SLC26A3: variants seen among roughly 807,000 people sequenced by gnomAD.
SLC26A3 encodes the protein chloride anion exchanger.
SLC26A3 carries 64 observed loss-of-function variants against 85.6 expected under a neutral mutation model. The ratio of observed to expected loss-of-function variants is 0.75; its 90% CI spans 0.61 to 0.92. SLC26A3 has a LOEUF of 0.92. Ranked by LOEUF, SLC26A3 falls within the 40% of genes least tolerant of loss-of-function variation. SLC26A3 has a pLI of 0.00. For synonymous variants in SLC26A3, 349 were observed against 336.0 expected, an observed-to-expected ratio of 1.04 and a Z score of -0.42; for missense variants, 922 against 927.3, an observed-to-expected ratio of 0.99 and a Z score of 0.07.
intron 8 of SLC26A3, among the ~76,000 whole-genome samples, chr7:107,784,598 A>G (rs577695010): frequency 6.6e-6 from 1 of 152,126 alleles, no homozygotes; most frequent in Non-Finnish European, 1.5e-5. Flanking sequence ...CGCCCAGCTA[A>G]TTTTAGTATT....
intron 3 of SLC26A3, among the ~76,000 whole-genome samples, chr7:107,792,439 A>G (rs1794418806): frequency 6.6e-6 from 1 of 151,914 alleles, no homozygotes; most frequent in South Asian, 2.1e-4. Context: ...ACCGTGACAG[A>G]TCATTAGGCA....
intron 1 of SLC26A3, among the ~76,000 whole-genome samples, chr7:107,797,399 C>T (rs779280099): frequency 6.6e-6 from 1 of 152,118 alleles, no homozygotes; most frequent in East Asian, 1.9e-4. Flanking sequence ...GAGGCTGAGA[C>T]AGGAGAATTG....
At chr7:107,788,175 G>A (rs1258332006) in intron 6 of SLC26A3, among the ~76,000 whole-genome samples, 2 of 152,120 alleles carry the variant, frequency 1.3e-5, no homozygotes, top group Non-Finnish European at 2.9e-5. Context: ...CCAATTTGGA[G>A]CAAGTTCTGT....
At chr7:107,789,785 A>G in intron 5 of SLC26A3, 97 bp from the exon 6 acceptor site, 1 of 1,303,140 alleles carries the variant, frequency 7.7e-7, no homozygotes, top group Non-Finnish European at 1.1e-6. Flanking sequence ...CAAAACGTAA[A>G]GGCTCAACCT....
chr7:107,783,839 T>A (rs1209019625), intron 8 of SLC26A3, among the ~76,000 whole-genome samples: 1 of 152,194 alleles, frequency 6.6e-6, no homozygotes, highest in Non-Finnish European at 1.5e-5. Context: ...GAGATGGGCC[T>A]TGGACTCTGC....
At chr7:107,784,812 G>T (rs1794267120) in intron 8 of SLC26A3, among the ~76,000 whole-genome samples, 1 of 152,156 alleles carries the variant, frequency 6.6e-6, no homozygotes, top group Admixed American at 6.5e-5. Flanking sequence ...AACACAAAGT[G>T]CCTGTTAGCT....
In SLC26A3 at chr7:107,779,742, A is replaced by T; in HGVS notation, c.1333T>A (p.Leu445Met). 1 of 1,613,968 alleles carries T rather than the reference A, an allele frequency of 6.2e-7. No individual in the cohort carries two copies. Among genetic ancestry groups the T allele is most frequent in the Non-Finnish European group, 8.5e-7 (1 of 1,179,910 alleles). The change falls in exon 12 of 21, where the codon TTG (leucine) becomes ATG (methionine). Residue 445 changes from leucine to methionine, a missense_variant. Transcript: ENST00000340010. ...ATCAGCATTCCCTTTAAGTTTCCCA[A>T]TGCTAAAGCTGCCAGGACGGACTGT... ...LQKSVLAALA[L>M]GNLKGMLMQF...
intron 1 of SLC26A3, among the ~76,000 whole-genome samples, chr7:107,796,604 A>G (rs1794505126): frequency 6.6e-6 from 1 of 152,196 alleles, no homozygotes; most frequent in African/African-American, 2.4e-5. Context: ...ATTGCTGTGC[A>G]GAGCATGGAT....
At chr7:107,792,159 G>T (rs1794413886) in intron 3 of SLC26A3, among the ~76,000 whole-genome samples, 1 of 152,142 alleles carries the variant, frequency 6.6e-6, no homozygotes, top group Admixed American at 6.5e-5. Context: ...TGGTTTCTTA[G>T]AAATGACACC....
intron 11 of SLC26A3, 85 bp from the exon 12 acceptor site, chr7:107,779,848 G>A (rs537001836): frequency 8.8e-7 from 1 of 1,131,392 alleles, no homozygotes; most frequent in African/African-American, 1.5e-5. Context: ...AGATAAGTGT[G>A]TGCTTTAAAG....
chr7:107,797,042 C>T (rs998585031), intron 1 of SLC26A3, among the ~76,000 whole-genome samples: 2 of 152,130 alleles, frequency 1.3e-5, no homozygotes, highest in African/African-American at 4.8e-5. Context: ...CAGTTTCCTT[C>T]TCTGAGGATG....
intron 1 of SLC26A3, among the ~76,000 whole-genome samples, chr7:107,798,167 C>G (rs1289860065): frequency 6.6e-6 from 1 of 151,774 alleles, no homozygotes; most frequent in Non-Finnish European, 1.5e-5. Context: ...TACATAGACA[C>G]ACACATGAAG....
intron 9 of SLC26A3, 28 bp downstream of exon 9, chr7:107,783,177 T>G (rs1190251242): frequency 6.2e-7 from 1 of 1,613,924 alleles, no homozygotes; most frequent in Non-Finnish European, 8.5e-7. Flanking sequence ...AGTTGCCCAG[T>G]GAGACCCAGT....
intron 18 of SLC26A3, among the ~76,000 whole-genome samples, chr7:107,771,354 G>A (rs1794027560): frequency 6.6e-6 from 1 of 152,174 alleles, no homozygotes; most frequent in Non-Finnish European, 1.5e-5. Flanking sequence ...TGGAGGTATA[G>A]TTTGGGGATT....
intron 13 of SLC26A3, among the ~76,000 whole-genome samples, chr7:107,776,934 A>G (rs931818955): frequency 8.5e-5 from 13 of 152,218 alleles, no homozygotes; most frequent in Non-Finnish European, 1.8e-4. Flanking sequence ...GTTACAGTTT[A>G]CAAAGCACTC....
chr7:107,775,626 G>C lies in SLC26A3; in HGVS notation c.1678-754C>G, dbSNP rs368936913. ...ACATGCCTGGAGTCTCATCTACTTG[G>C]GGGGCTGAGGTAGGGGGATTGCTCA... On this transcript the variant is annotated intron_variant, in intron 15 of 20. Coordinates refer to ENST00000340010, the MANE Select transcript of SLC26A3 (RefSeq NM_000111.3). 6.6e-5 allele frequency among the ~76,000 whole-genome samples: 10 copies of C among 151,800 alleles called. No individual in the cohort carries two copies. The East Asian group carries it at 1.4e-3, about 21-fold the overall frequency.
chr7:107,786,858 TA>T lies in SLC26A3; in HGVS notation c.939del (p.Phe313LeufsTer9). On this transcript the variant is annotated frameshift_variant, in exon 8 of 21. Coordinates refer to ENST00000340010, the MANE Select transcript of SLC26A3 (RefSeq NM_000111.3). LOFTEE classifies it high-confidence loss of function. ...TTCATGTCCCCAACCACAGCCACTT[TA>T]AACCTGTTTTTAAAGTCACAGCCGT... The part of the protein sequence containing the change: ...VSYGCDFKNR[F>X]KVAVVGDMNP... 6.2e-7 allele frequency: 1 copy of T among 1,614,122 alleles called. No homozygotes were observed. The highest frequency in any genetic ancestry group is 8.5e-7 in the Non-Finnish European group (1 of 1,179,998).
chr7:107,782,444 T>C (rs1794228160), intron 11 of SLC26A3, among the ~76,000 whole-genome samples: 1 of 152,172 alleles, frequency 6.6e-6, no homozygotes, highest in Non-Finnish European at 1.5e-5. Flanking sequence ...TTCTCTGAAT[T>C]AGATAGAGGG....
chr7:107,778,061 A>G, intron 13 of SLC26A3, 114 bp downstream of exon 13: 1 of 755,530 alleles, frequency 1.3e-6, no homozygotes, highest in Non-Finnish European at 2.4e-6. Context: ...CCATCCTGAT[A>G]GAAATGCACA....
Sources: allele counts gnomAD v4.1 joint callset (sites outside exome capture counted in the v4.1 genomes callset), GRCh38; gene constraint gnomAD v4.1.1; transcripts MANE v1.5; gene names NCBI Gene and HGNC (gene_info 2026-07-23, HGNC 2026-07-21).